The following IGF1R variants were observed in gnomAD, a reference collection of about 807,000 sequenced individuals.
The protein encoded by IGF1R is insulin like growth factor 1 receptor.
IGF1R carries 44 observed loss-of-function variants against 144.6 expected under a neutral mutation model. The observed-to-expected ratio is 0.30, with a 90% CI of 0.24 to 0.39. The LOEUF (loss-of-function observed/expected upper bound fraction) is 0.39. Among genes scored for constraint, IGF1R ranks in the 10% least tolerant of loss-of-function variants. The probability of loss-of-function intolerance (pLI) is 1.00; values close to 1 mark genes in which losing one functional copy is unlikely to be tolerated. For missense variants in IGF1R, 1,355 were observed against 1,833.7 expected (o/e 0.74, Z 4.77); for synonymous variants, 795 against 722.8 (o/e 1.10, Z -1.60).
intron 2 of IGF1R, among the ~76,000 whole-genome samples, chr15:98,887,622 G>A (rs2013704253): frequency 6.6e-6 from 1 of 152,230 alleles, no homozygotes; most frequent in Non-Finnish European, 1.5e-5. Context: ...GGTGATGTCT[G>A]AAGAGCAGCC....
chr15:98,852,971 T>C (rs191846344), intron 2 of IGF1R, among the ~76,000 whole-genome samples: 267 of 152,350 alleles, frequency 1.8e-3, no homozygotes, highest in African/African-American at 6.1e-3. Context: ...TTTATCAACA[T>C]GTACCATTTT....
chr15:98,884,320 G>T (rs528362133), intron 2 of IGF1R, among the ~76,000 whole-genome samples: 1 of 152,112 alleles, frequency 6.6e-6, no homozygotes, highest in Non-Finnish European at 1.5e-5. Flanking sequence ...CAAACTGCAC[G>T]CCAGGCATTT....
chr15:98,668,533 C>G (rs1426466080), intron 1 of IGF1R, among the ~76,000 whole-genome samples: 1 of 152,152 alleles, frequency 6.6e-6, no homozygotes, highest in Non-Finnish European at 1.5e-5. Context: ...TCTGAGCACC[C>G]CAGTGCTTTC....
At position 98,962,909 on chromosome 15, in the gene IGF1R, G is replaced by T. The variant is rs2017280505; in HGVS notation, c.*5467G>T. ...TTGTCAGTTCTGGGGCATGACTTTAGCGTTTTGTTTCTGCGAGAACATAAC... is the reference window on the plus strand; with the variant it reads ...TTGTCAGTTCTGGGGCATGACTTTATCGTTTTGTTTCTGCGAGAACATAAC... On this transcript the variant is annotated 3_prime_UTR_variant, in exon 21 of 21. Coordinates refer to ENST00000650285, the MANE Select transcript of IGF1R (RefSeq NM_000875.5). 1 of 233,568 alleles carries T rather than the reference G, an allele frequency of 4.3e-6. No homozygotes were observed. Among genetic ancestry groups the T allele is most frequent in the Non-Finnish European group, 8.5e-6 (1 of 118,048 alleles). The allele number at this position is 233,568 out of a possible 1,614,324, so 14.5% of individuals were successfully genotyped here.
chr15:98,828,794 C>G (rs1314582562), intron 2 of IGF1R, among the ~76,000 whole-genome samples: 1 of 76,466 alleles, frequency 1.3e-5, no homozygotes. Context: ...TTTTTTTTTT[C>G]CTATTTTGGA....
intron 19 of IGF1R, among the ~76,000 whole-genome samples, chr15:98,947,412 T>TC (rs2016593877): frequency 6.6e-6 from 1 of 152,186 alleles, no homozygotes; most frequent in African/African-American, 2.4e-5. Flanking sequence ...CCCAGGTTTT[T>TC]CCATGTGGCT....
chr15:98,891,390 C>A lies in IGF1R; in HGVS notation c.706C>A (p.Leu236Met). The A allele has an allele frequency of 6.2e-7, 1 of 1,612,806 alleles. No individual in the cohort carries two copies. The highest frequency in any genetic ancestry group is 8.5e-7 in the Non-Finnish European group (1 of 1,180,006). ...ENNECCHPEC[L>M]GSCSAPDNDT... ...CAATGAGTGCTGCCACCCCGAGTGC[C>A]TGGGCAGCTGCAGCGCGCCTGACAA... The change falls in exon 3 of 21, where the codon CTG (leucine) becomes ATG (methionine). Residue 236 changes from leucine (L) to methionine (M), a missense_variant. By Grantham distance (15) the Leu-to-Met change is conservative (BLOSUM62 2). Coordinates refer to ENST00000650285, the MANE Select transcript of IGF1R (RefSeq NM_000875.5). This position sits in a 1 kb window ranked among gnomAD's most constrained non-coding sequence, Gnocchi z 4.7.
At chr15:98,760,593 C>T (rs778104052) in intron 2 of IGF1R, among the ~76,000 whole-genome samples, 21 of 152,166 alleles carry the variant, frequency 1.4e-4, no homozygotes, top group African/African-American at 4.8e-4. Context: ...GAGTGCATGT[C>T]GCTGCGGCAT....
chr15:98,697,324 A>G (rs1378946162), intron 1 of IGF1R, among the ~76,000 whole-genome samples: 2 of 152,186 alleles, frequency 1.3e-5, no homozygotes, highest in Non-Finnish European at 2.9e-5. Context: ...GGTTGCATAC[A>G]GTGTTTTAGC....
intron 2 of IGF1R, among the ~76,000 whole-genome samples, chr15:98,782,000 T>C (rs2055871139): frequency 6.6e-6 from 1 of 152,266 alleles, no homozygotes; most frequent in East Asian, 1.9e-4. Context: ...TTCCCTCCTA[T>C]TGATTTTTTT....
chr15:98,682,704 T>C (rs2053223467), intron 1 of IGF1R, among the ~76,000 whole-genome samples: 1 of 151,948 alleles, frequency 6.6e-6, no homozygotes, highest in African/African-American at 2.4e-5. Flanking sequence ...CGTGCCACCA[T>C]GCCTGGCTAA....
chr15:98,826,348 C>T (rs2056894821), intron 2 of IGF1R, among the ~76,000 whole-genome samples: 1 of 152,170 alleles, frequency 6.6e-6, no homozygotes, highest in Non-Finnish European at 1.5e-5. Context: ...TGTGATTCTA[C>T]ACATTGTCCA....
At chr15:98,740,740 C>T (rs1177874730) in intron 2 of IGF1R, among the ~76,000 whole-genome samples, 4 of 152,194 alleles carry the variant, frequency 2.6e-5, no homozygotes, top group African/African-American at 4.8e-5. Flanking sequence ...AGCTTCCATT[C>T]GAGCTGCACA....
chr15:98,785,552 G>A (rs376628652), intron 2 of IGF1R, among the ~76,000 whole-genome samples: 11 of 152,158 alleles, frequency 7.2e-5, no homozygotes, highest in East Asian at 1.9e-4. Context: ...CCCCAGGGCC[G>A]CAGGCTTTAG....
intron 1 of IGF1R, among the ~76,000 whole-genome samples, chr15:98,682,729 G>A (rs980009414): frequency 7.9e-5 from 12 of 152,028 alleles, no homozygotes; most frequent in African/African-American, 2.9e-4. Context: ...TATATTTTTA[G>A]TAGAGATGGG....
At chr15:98,930,328 C>T in intron 15 of IGF1R, 23 bp downstream of exon 15, 2 of 1,581,650 alleles carry the variant, frequency 1.3e-6, no homozygotes, top group Non-Finnish European at 1.7e-6. Flanking sequence ...GCCACCAGCA[C>T]TGCCAGCGTG....
chr15:98,648,619 AAG>A lies in IGF1R; in HGVS notation c.-962_-961del, dbSNP rs1491128688. The stretch of plus-strand genomic sequence containing the variant: ...ATTAACTCCGCTGAGCGGAAAAAAA[AAG>A]GGAAAAAACCCGAGGAGGAGCGAGC... On this transcript the variant is annotated 5_prime_UTR_variant, in exon 1 of 21. Coordinates refer to ENST00000650285, the MANE Select transcript of IGF1R (RefSeq NM_000875.5). 2.1e-5 allele frequency among the ~76,000 whole-genome samples: 3 copies of A among 145,286 alleles called. No individual in the cohort carries two copies. Among genetic ancestry groups the A allele is most frequent in the African/African-American group, 5.0e-5 (2 of 40,066 alleles).
At chr15:98,881,910 T>A (rs2013403986) in intron 2 of IGF1R, among the ~76,000 whole-genome samples, 1 of 152,232 alleles carries the variant, frequency 6.6e-6, no homozygotes, top group African/African-American at 2.4e-5. Context: ...AACTGTATAT[T>A]AATACAAAGT....
At chr15:98,946,342 T>C (rs967560547) in intron 19 of IGF1R, among the ~76,000 whole-genome samples, 1 of 152,088 alleles carries the variant, frequency 6.6e-6, no homozygotes, top group African/African-American at 2.4e-5. Context: ...TCAGCTGTTG[T>C]ATTAGGCATC....
Sources: allele counts gnomAD v4.1 joint callset (sites outside exome capture counted in the v4.1 genomes callset), GRCh38; gene constraint gnomAD v4.1.1; non-coding constraint Gnocchi (gnomAD v3.1); transcripts MANE v1.5; gene names NCBI Gene and HGNC (gene_info 2026-07-23, HGNC 2026-07-21).